Variants in SEMA5A observed in about 807,000 individuals in gnomAD.
SEMA5A encodes semaphorin 5A.
In SEMA5A, 55 loss-of-function variants were observed where a neutral mutation model predicts 135.5. The ratio of observed to expected loss-of-function variants is 0.41; its 90% CI spans 0.33 to 0.51. SEMA5A has a LOEUF of 0.51. SEMA5A is among the 20% of genes least tolerant of loss of function. The pLI, the probability that SEMA5A is intolerant of heterozygous loss-of-function variation, is 0.37. For synonymous variants in SEMA5A, 580 were observed against 546.5 expected, an observed-to-expected ratio of 1.06 and a Z score of -0.85; for missense variants, 1,290 against 1,419.9, an observed-to-expected ratio of 0.91 and a Z score of 1.47.
chr5:9,325,509 C>T (rs1752831171), intron 4 of SEMA5A, among the ~76,000 whole-genome samples: 1 of 151,924 alleles, frequency 6.6e-6, no homozygotes, highest in African/African-American at 2.4e-5. Flanking sequence ...ATAACTCATT[C>T]CTGGGTCCCA....
chr5:9,450,418 T>C (rs1470380734), intron 1 of SEMA5A, among the ~76,000 whole-genome samples: 1 of 152,224 alleles, frequency 6.6e-6, no homozygotes, highest in African/African-American at 2.4e-5. Flanking sequence ...ATTAATGATA[T>C]TCAGTTTAAT....
chr5:9,126,730 C>T (rs1741135560), intron 13 of SEMA5A, among the ~76,000 whole-genome samples: 2 of 152,130 alleles, frequency 1.3e-5, no homozygotes, highest in African/African-American at 4.8e-5. Context: ...GTTCAAACTG[C>T]CTTCAGGCAG....
rs185955086 is a variant in SEMA5A, at chr5:9,347,480, G to A, written c.125-9668C>T. ...AAGCTGTGATAGCTCCTTTTTACTC[G>A]ATGAGTTCCTGATTGGGTCTTCCTT... On this transcript the variant is annotated intron_variant, in intron 3 of 22. Transcript: ENST00000382496. 1.3e-3 allele frequency among the ~76,000 whole-genome samples: 193 copies of A among 152,220 alleles called. 1 individual carries two copies. The highest frequency in any genetic ancestry group is 4.5e-3 in the African/African-American group (185 of 41,544).
chr5:9,246,824 C>T (rs773373183), intron 5 of SEMA5A, among the ~76,000 whole-genome samples: 1 of 152,158 alleles, frequency 6.6e-6, no homozygotes, highest in East Asian at 1.9e-4. Context: ...CTTGAAAATA[C>T]TTTTACAAGG....
At chr5:9,456,831 G>A (rs769994124) in intron 1 of SEMA5A, among the ~76,000 whole-genome samples, 4 of 152,156 alleles carry the variant, frequency 2.6e-5, no homozygotes, top group Non-Finnish European at 5.9e-5. Flanking sequence ...ATTCAATGAG[G>A]TGTTTAAATG....
intron 11 of SEMA5A, among the ~76,000 whole-genome samples, chr5:9,185,870 GA>G (rs1389153076): frequency 2.0e-5 from 3 of 152,178 alleles, no homozygotes; most frequent in African/African-American, 4.8e-5. Context: ...CCATGCTGTG[GA>G]AAAAGCCCAG....
intron 1 of SEMA5A, among the ~76,000 whole-genome samples, chr5:9,544,672 C>CCGCAGGCGCAGGAAAGTTAAAT (rs1360211494): frequency 2.6e-5 from 4 of 152,218 alleles, no homozygotes; most frequent in African/African-American, 9.6e-5. Flanking sequence ...CCCGAGGACG[C>CCGCAGGCGCAGGAAAGTTAAAT]CGCAGGCGCA....
In SEMA5A at chr5:9,176,435, C is replaced by T. The variant is rs565067910; in HGVS notation, c.1273+13832G>A. Among the ~76,000 whole-genome samples the T allele has an allele frequency of 3.6e-4, 55 of 152,312 alleles. No homozygotes were observed. In the South Asian group the frequency reaches 0.01, roughly 28 times the overall value. On this transcript the variant is annotated intron_variant, in intron 11 of 22. Coordinates refer to ENST00000382496, the MANE Select transcript of SEMA5A (RefSeq NM_003966.3). Reference sequence around the variant, plus strand: ...ATGAGACTGCAGCCCTAGCTGGCATCCTGATTGCAGCCTAGTGAAACCCTG... The same window carrying T: ...ATGAGACTGCAGCCCTAGCTGGCATTCTGATTGCAGCCTAGTGAAACCCTG...
chr5:9,174,398 C>T (rs1271596391), intron 11 of SEMA5A, among the ~76,000 whole-genome samples: 1 of 152,188 alleles, frequency 6.6e-6, no homozygotes, highest in Non-Finnish European at 1.5e-5. Context: ...TCTTGGTATC[C>T]TCATCTTCTC....
At chr5:9,282,409 A>G (rs1212566317) in intron 5 of SEMA5A, among the ~76,000 whole-genome samples, 3 of 152,180 alleles carry the variant, frequency 2.0e-5, no homozygotes, top group Non-Finnish European at 2.9e-5. Context: ...TCAGTAATGA[A>G]AGAGAAGAGG....
At chr5:9,211,879 A>G (rs973710649) in intron 8 of SEMA5A, among the ~76,000 whole-genome samples, 2 of 152,240 alleles carry the variant, frequency 1.3e-5, no homozygotes, top group Non-Finnish European at 1.5e-5. Context: ...AAAATGATAC[A>G]GTTGAAAAGA....
chr5:9,504,318 GAAA>G (rs796220539), intron 1 of SEMA5A, among the ~76,000 whole-genome samples: 3 of 148,370 alleles, frequency 2.0e-5, no homozygotes, highest in African/African-American at 5.0e-5. Flanking sequence ...ATAAAACCAA[GAAA>G]AAAAGTTTAT....
chr5:9,316,538 C>T (rs1158279068), intron 5 of SEMA5A, among the ~76,000 whole-genome samples: 1 of 152,030 alleles, frequency 6.6e-6, no homozygotes, highest in Non-Finnish European at 1.5e-5. Context: ...GAGAGTATAC[C>T]ATGAGAATCA....
In SEMA5A at chr5:9,150,830, A is replaced by G. The variant is rs144938954; in HGVS notation, c.1481+3658T>C. Among the ~76,000 whole-genome samples the G allele has an allele frequency of 3.5e-3, 538 of 152,320 alleles. 2 individuals carry two copies. Among genetic ancestry groups the G allele is most frequent in the African/African-American group, 0.012 (519 of 41,576 alleles). On this transcript the variant is annotated intron_variant, in intron 12 of 22. Transcript: ENST00000382496. ...GGGAAGGGGGTTGAGCCTCTCTCAG[A>G]AGACCTGGCTTCTGCCTGTCTGGGT...
At position 9,136,547 on chromosome 5, in the gene SEMA5A, C is replaced by A. The variant is rs1435272815; in HGVS notation, c.1556G>T (p.Ser519Ile). The part of the protein sequence containing the change: ...VMKKCTSLEE[S>I]LSMTQWEQSI... ...CTGTTCCCACTGCGTCATGCTCAGG[C>A]TCTCCTCCAGGCTTGTGCATTTCTT... The change falls in exon 13 of 23, where the codon AGC becomes ATC. Residue 519 changes from serine (S) to isoleucine (I), a missense_variant. Physicochemically the swap from Ser to Ile is moderately radical, Grantham distance 142 (BLOSUM62 -2). Transcript: ENST00000382496. 6.2e-7 allele frequency: 1 copy of A among 1,614,094 alleles called. No individual in the cohort carries two copies. Among genetic ancestry groups the A allele is most frequent in the Non-Finnish European group, 8.5e-7 (1 of 1,180,046 alleles).
chr5:9,518,754 A>G (rs1347659472), intron 1 of SEMA5A, among the ~76,000 whole-genome samples: 1 of 152,188 alleles, frequency 6.6e-6, no homozygotes, highest in Admixed American at 6.5e-5. Context: ...ATGGAACCCC[A>G]TAAGGAGAAA....
Position 9,205,833 on chromosome 5 carries a change from C to G in SEMA5A, c.647-3593G>C, listed in dbSNP as rs1806064. ...CTTCAGGATGAGGGTGGACCCCTGA[C>G]TGTGTGACCTGCCATTAACTCGGGA... On this transcript the variant is annotated intron_variant, in intron 8 of 22. Transcript: ENST00000382496. Among the ~76,000 whole-genome samples the G allele has an allele frequency of 3.3e-3, 500 of 152,166 alleles. 4 individuals carry two copies. The highest frequency in any genetic ancestry group is 0.011 in the African/African-American group (473 of 41,540).
chr5:9,379,542 T>G (rs559836377), intron 3 of SEMA5A, among the ~76,000 whole-genome samples: 1 of 152,344 alleles, frequency 6.6e-6, no homozygotes, highest in East Asian at 1.9e-4. Context: ...TTCAAACACT[T>G]AGGAGGCCCA....
At chr5:9,513,099 CTAGAG>C (rs950429201) in intron 1 of SEMA5A, among the ~76,000 whole-genome samples, 1 of 147,074 alleles carries the variant, frequency 6.8e-6, no homozygotes, top group African/African-American at 2.5e-5. Flanking sequence ...AAGCTGAGGA[CTAGAG>C]TAAATATAAT....
Sources: allele counts gnomAD v4.1 joint callset (sites outside exome capture counted in the v4.1 genomes callset), GRCh38; gene constraint gnomAD v4.1.1; transcripts MANE v1.5; gene names NCBI Gene and HGNC (gene_info 2026-07-23, HGNC 2026-07-21).